ASCC1: variants seen among roughly 807,000 people sequenced by gnomAD.
ASCC1 encodes activating signal cointegrator 1 complex subunit 1.
Under a neutral mutation model 46.6 loss-of-function variants are expected in ASCC1, and 35 were observed. The ratio of observed to expected loss-of-function variants is 0.75; its 90% CI spans 0.57 to 0.99. The LOEUF is 0.99. Among genes scored for constraint, ASCC1 ranks in the 50% least tolerant of loss-of-function variants. ASCC1 has a pLI of 0.00. For missense variants in ASCC1, 376 were observed against 428.7 expected (o/e 0.88, Z 1.09); for synonymous variants, 143 against 146.6 (o/e 0.98, Z 0.18).
intron 6 of ASCC1, chr10:72,159,103 C>T (rs1426396063): frequency 6.6e-6 from 1 of 152,182 alleles, no homozygotes. Context: ...GGTTCCACAT[C>T]TTTCCAGCTT....
rs1021342300 is a variant in ASCC1 at position 72,210,824 on chromosome 10, C to T, written c.120G>A (p.Met40Ile). ...EDEEDFYQGS[M>I]ECADEPCDAY... ...CATCACAGGGCTCATCAGCACACTC[C>T]ATGGAGCCTGCACAGAAACCATCAC... is the stretch of plus-strand genomic sequence containing the variant. The change falls in exon 3 of 10, where the codon ATG becomes ATA. Residue 40 changes from methionine (M) to isoleucine (I), a missense_variant. Transcript: ENST00000672957. The T allele has an allele frequency of 2.5e-6, 4 of 1,613,724 alleles. No individual in the cohort carries two copies. In the African/African-American group the frequency reaches 4.0e-5, roughly 16 times the overall value.
intron 9 of ASCC1, 32 bp from the exon 10 acceptor site, chr10:72,097,482 T>A: frequency 7.8e-7 from 1 of 1,290,174 alleles, no homozygotes; most frequent in East Asian, 2.3e-5. Context: ...CCAGAATGAA[T>A]ATTTAAAGTA....
chr10:72,115,243 C>T (rs1018114462), intron 9 of ASCC1, among the ~76,000 whole-genome samples: 32 of 152,102 alleles, frequency 2.1e-4, no homozygotes, highest in African/African-American at 5.3e-4. Flanking sequence ...CTGTAGAAAA[C>T]AGTTCCAAAA....
chr10:72,158,817 A>C (rs1849291680), intron 6 of ASCC1: 1 of 152,174 alleles, frequency 6.6e-6, no homozygotes, highest in South Asian at 2.1e-4. Context: ...ATTTGGGACC[A>C]CTACACCATA....
intron 5 of ASCC1, among the ~76,000 whole-genome samples, chr10:72,193,055 C>A (rs971657413): frequency 2.6e-5 from 4 of 152,196 alleles, no homozygotes; most frequent in East Asian, 1.9e-4. Context: ...ACAGTACATG[C>A]ATTCTGAAAA....
chr10:72,166,115 C>T (rs904317511), intron 5 of ASCC1, among the ~76,000 whole-genome samples: 25 of 152,170 alleles, frequency 1.6e-4, no homozygotes, highest in East Asian at 3.8e-4. Flanking sequence ...AAAGTCTATA[C>T]TTTTGATCAA....
chr10:72,150,725 T>A (rs1250650603), intron 7 of ASCC1, among the ~76,000 whole-genome samples: 1 of 151,456 alleles, frequency 6.6e-6, no homozygotes, highest in Non-Finnish European at 1.5e-5. Flanking sequence ...ATATCCAGAA[T>A]CTACAAAGAA....
chr10:72,130,195 G>C (rs1405822079), intron 8 of ASCC1, among the ~76,000 whole-genome samples: 3 of 152,074 alleles, frequency 2.0e-5, no homozygotes, highest in Non-Finnish European at 4.4e-5. Flanking sequence ...CTAGGGCTTG[G>C]TGGAGGTCAG....
At chr10:72,205,630 C>CAAA (rs35572254) in intron 3 of ASCC1, among the ~76,000 whole-genome samples, 1 of 116,872 alleles carries the variant, frequency 8.6e-6, no homozygotes, top group Non-Finnish European at 1.8e-5. Flanking sequence ...AACTCCATCT[C>CAAA]AAAAAAAAAA....
At chr10:72,190,813 T>C (rs956610373) in intron 5 of ASCC1, among the ~76,000 whole-genome samples, 1 of 151,612 alleles carries the variant, frequency 6.6e-6, no homozygotes, top group African/African-American at 2.4e-5. Context: ...CTGGCCAACA[T>C]GGTGAAACCC....
intron 5 of ASCC1, among the ~76,000 whole-genome samples, chr10:72,196,169 C>A (rs1855388443): frequency 6.6e-6 from 1 of 152,032 alleles, no homozygotes; most frequent in Non-Finnish European, 1.5e-5. Flanking sequence ...CCAAATGAGC[C>A]ATGACCGCCC....
chr10:72,213,964 G>A (rs1343948468), intron 1 of ASCC1, among the ~76,000 whole-genome samples: 1 of 152,068 alleles, frequency 6.6e-6, no homozygotes, highest in Non-Finnish European at 1.5e-5. Flanking sequence ...CTTGAACCCA[G>A]GAGGCGGAAG....
intron 7 of ASCC1, among the ~76,000 whole-genome samples, chr10:72,143,136 G>A (rs889702725): frequency 6.7e-6 from 1 of 150,176 alleles, no homozygotes; most frequent in East Asian, 1.9e-4. Flanking sequence ...ACTCGAGCCT[G>A]GGTGACAGAG....
intron 9 of ASCC1, among the ~76,000 whole-genome samples, chr10:72,105,262 G>C (rs1842216994): frequency 6.6e-6 from 1 of 152,172 alleles, no homozygotes; most frequent in Non-Finnish European, 1.5e-5. Context: ...ACAGACAGCG[G>C]GACAAAGAGA....
chr10:72,156,703 C>T (rs1849015934), intron 6 of ASCC1, among the ~76,000 whole-genome samples: 2 of 148,446 alleles, frequency 1.3e-5, no homozygotes, highest in African/African-American at 5.0e-5. Context: ...ACCCAGGGGG[C>T]GGAGCTTGCA....
At chr10:72,107,301 T>TA (rs1424825630) in intron 9 of ASCC1, among the ~76,000 whole-genome samples, 1 of 91,088 alleles carries the variant, frequency 1.1e-5, no homozygotes, top group Non-Finnish European at 2.6e-5. Flanking sequence ...ACAAATAAGT[T>TA]ACCCCCCCCC....
At chr10:72,209,436 T>G (rs1857717489) in intron 3 of ASCC1, among the ~76,000 whole-genome samples, 1 of 151,380 alleles carries the variant, frequency 6.6e-6, no homozygotes, top group Non-Finnish European at 1.5e-5. Context: ...GAGCCAAGAT[T>G]GTGCCACTGC....
chr10:72,145,926 T>C lies in ASCC1; in HGVS notation c.746+6943A>G, dbSNP rs112320224. The stretch of plus-strand genomic sequence containing the variant: ...TTTAAGTGGCATATAACAGCACTTC[T>C]AGATCTAAACCCTGCCTGTTCTGCA... On this transcript the variant is annotated intron_variant, in intron 7 of 9. Coordinates refer to ENST00000672957, the MANE Select transcript of ASCC1 (RefSeq NM_001198800.3). 9.0e-4 allele frequency among the ~76,000 whole-genome samples: 137 copies of C among 152,356 alleles called. 2 individuals are homozygous for C. Among genetic ancestry groups the C allele is most frequent in the African/African-American group, 3.2e-3 (133 of 41,580 alleles).
chr10:72,109,355 G>C (rs1842682626), intron 9 of ASCC1, among the ~76,000 whole-genome samples: 1 of 152,176 alleles, frequency 6.6e-6, no homozygotes, highest in African/African-American at 2.4e-5. Flanking sequence ...TGTCCCCAGA[G>C]CCCAAGTCCC....
Sources: allele counts gnomAD v4.1 joint callset (sites outside exome capture counted in the v4.1 genomes callset), GRCh38; gene constraint gnomAD v4.1.1; transcripts MANE v1.5; gene names NCBI Gene and HGNC (gene_info 2026-07-23, HGNC 2026-07-21).